HMCN2: variants seen among roughly 807,000 people sequenced by gnomAD.
HMCN2 encodes the protein hemicentin-2.
HMCN2 carries 325 observed loss-of-function variants against 377.5 expected under a neutral mutation model. The ratio of observed to expected loss-of-function variants is 0.86; its 90% CI spans 0.79 to 0.94. HMCN2 has a LOEUF of 0.94. Among genes scored for constraint, HMCN2 ranks in the 40% least tolerant of loss-of-function variants. The pLI is 0.00. For synonymous variants in HMCN2, 2,007 were observed against 2,046.8 expected, an observed-to-expected ratio of 0.98 and a Z score of 0.53; for missense variants, 4,543 against 4,725.3, an observed-to-expected ratio of 0.96 and a Z score of 1.13.
chr9:130,316,446 G>A (rs996081426), intron 15 of HMCN2, among the ~76,000 whole-genome samples: 55 of 152,034 alleles, frequency 3.6e-4, no homozygotes, highest in Non-Finnish European at 6.5e-4. Flanking sequence ...AAAAAAGGAC[G>A]GGGCACCCCT....
intron 95 of HMCN2, 118 bp downstream of exon 95, chr9:130,430,722 G>T (rs1456748127): frequency 6.2e-6 from 6 of 969,354 alleles, no homozygotes; most frequent in African/African-American, 4.9e-5. Context: ...AGGCAAGTGG[G>T]GTGAGTGGTG....
Position 130,392,776 on chromosome 9 carries a change from T to C in HMCN2, c.10137-436T>C, listed in dbSNP as rs568889283. On this transcript the variant is annotated intron_variant, in intron 66 of 97. Coordinates refer to ENST00000683500, the MANE Select transcript of HMCN2 (RefSeq NM_001291815.2). ...CTTTGGGAGGCCAAGGCGGGCAGAT[T>C]ACAAGGTCAGGAGATCAAGACCATC... 1.4e-3 allele frequency among the ~76,000 whole-genome samples: 217 copies of C among 151,902 alleles called. 1 individual carries two copies. Among genetic ancestry groups the C allele is most frequent in the Non-Finnish European group, 1.9e-3 (126 of 67,888 alleles).
At chr9:130,359,242 C>A in intron 36 of HMCN2, 77 bp from the exon 37 acceptor site, 1 of 726,736 alleles carries the variant, frequency 1.4e-6, no homozygotes, top group Non-Finnish European at 2.1e-6. Context: ...CAGGGAGCAG[C>A]ACTGCTGGGA....
chr9:130,355,146 G>A, intron 32 of HMCN2, 102 bp downstream of exon 32: 1 of 983,018 alleles, frequency 1.0e-6, no homozygotes, highest in Non-Finnish European at 1.3e-6. Context: ...GAGGGAGGGT[G>A]GGGAGAAGTA....
In HMCN2 at chr9:130,361,794, C is replaced by T. The variant is rs1840400450; in HGVS notation, c.5951-214C>T. Among the ~76,000 whole-genome samples, 1 of 152,196 alleles carries T rather than the reference C, an allele frequency of 6.6e-6. No individual in the cohort carries two copies. The highest frequency in any genetic ancestry group is 1.5e-5 in the Non-Finnish European group (1 of 68,034). ...GGCAGGTGACTTCCCCTCTGTCAGC[C>T]TCAGTTTCCCATCTATAGAAGCCTC... On this transcript the variant is annotated intron_variant, in intron 38 of 97. Transcript: ENST00000683500. This position sits in a 1 kb window ranked among gnomAD's most constrained non-coding sequence, Gnocchi z 4.8.
chr9:130,405,886 G>A lies in HMCN2; in HGVS notation c.12340-69G>A, dbSNP rs1232691919. ...CTGGATGCTCCATGAGAACCTTCAA[G>A]GGTCAGGGGCATCCTGACCTATGCC... is the stretch of plus-strand genomic sequence containing the variant. On this transcript the variant is annotated intron_variant, in intron 81 of 97. Transcript: ENST00000683500. 2.9e-5 allele frequency: 33 copies of A among 1,125,152 alleles called. 1 individual carries two copies. The highest frequency in any genetic ancestry group is 2.3e-6 in the Non-Finnish European group (2 of 861,540). The allele number at this position is 1,125,152 out of a possible 1,614,324, so 69.7% of individuals were successfully genotyped here.
chr9:130,324,037 A>G (rs1837991007), intron 19 of HMCN2, among the ~76,000 whole-genome samples: 1 of 152,248 alleles, frequency 6.6e-6, no homozygotes, highest in Non-Finnish European at 1.5e-5. Flanking sequence ...TACATAACAT[A>G]ACGTGTATCA....
At chr9:130,404,430 A>G (rs1842991268) in intron 80 of HMCN2, among the ~76,000 whole-genome samples, 1 of 152,146 alleles carries the variant, frequency 6.6e-6, no homozygotes, top group African/African-American at 2.4e-5. Flanking sequence ...GACCTGTAGC[A>G]TCGCTGGTCA....
At chr9:130,274,709 T>G (rs565587683) in intron 1 of HMCN2, among the ~76,000 whole-genome samples, 1 of 152,370 alleles carries the variant, frequency 6.6e-6, no homozygotes, top group South Asian at 2.1e-4. Context: ...TCACTCGTGT[T>G]AAACATACCT....
intron 53 of HMCN2, among the ~76,000 whole-genome samples, 167 bp downstream of exon 53, chr9:130,377,966 C>CT (rs1206342698): frequency 6.6e-6 from 1 of 152,222 alleles, no homozygotes; most frequent in Non-Finnish European, 1.5e-5. Flanking sequence ...CCCAACCCCT[C>CT]TGCCTTGAGG....
intron 1 of HMCN2, among the ~76,000 whole-genome samples, chr9:130,275,469 A>C (rs539111843): frequency 6.6e-6 from 1 of 152,190 alleles, no homozygotes; most frequent in African/African-American, 2.4e-5. Context: ...TTTATTTTTG[A>C]GATGGAGTCT....
Position 130,392,056 on chromosome 9 carries a change from G to A in HMCN2, c.10074G>A (p.Lys3358=), listed in dbSNP as rs1242896165. The A allele has an allele frequency of 2.0e-6, 2 of 988,552 alleles. No homozygotes were observed. Among genetic ancestry groups the A allele is most frequent in the Non-Finnish European group, 2.4e-6 (2 of 830,542 alleles). 61.2% of individuals were successfully genotyped at this position (988,552 alleles called of 1,614,324 possible). The part of the protein sequence containing the change: ...GSPPIHVSWL[K]DGLPLPLSQR... ...CGCCCATCCACGTGAGCTGGCTCAAGGACGGCCTGCCCCTCCCGCTCTCCC... is the reference window on the plus strand; with the variant it reads ...CGCCCATCCACGTGAGCTGGCTCAAAGACGGCCTGCCCCTCCCGCTCTCCC... Residue 3358 remains lysine (K), a synonymous_variant, in exon 66 of 98, where the codon AAG becomes AAA. Transcript: ENST00000683500.
rs1472536527 is a variant in HMCN2, at chr9:130,369,221, T to C, written c.6788-349T>C. Among the ~76,000 whole-genome samples the C allele has an allele frequency of 6.6e-6, 1 of 152,202 alleles. No homozygotes were observed. Among genetic ancestry groups the C allele is most frequent in the African/African-American group, 2.4e-5 (1 of 41,450 alleles). ...AAAATAAAACCAGGAACAGTGCTGT[T>C]CAACATCTTGAGGAGAAACCCACCC... On this transcript the variant is annotated intron_variant, in intron 44 of 97. Transcript: ENST00000683500. This position sits in a 1 kb window ranked among gnomAD's most constrained non-coding sequence, Gnocchi z 4.5.
intron 15 of HMCN2, among the ~76,000 whole-genome samples, chr9:130,315,332 T>C (rs1314810223): frequency 3.4e-4 from 1 of 2,968 alleles, no homozygotes; most frequent in Non-Finnish European, 6.4e-4. Flanking sequence ...CCCTCTGCCC[T>C]CCCCCTCCCT....
chr9:130,421,632 C>T (rs1020423463), intron 86 of HMCN2, among the ~76,000 whole-genome samples: 1 of 152,162 alleles, frequency 6.6e-6, no homozygotes, highest in South Asian at 2.1e-4. Context: ...TTCTTCACTC[C>T]CCTATTAAAA....
intron 13 of HMCN2, among the ~76,000 whole-genome samples, 153 bp from the exon 14 acceptor site, chr9:130,307,300 C>T (rs1033908022): frequency 4.6e-5 from 7 of 152,072 alleles, no homozygotes; most frequent in Non-Finnish European, 8.8e-5. Context: ...GTGGAGGGAC[C>T]GGGAGGGGGC....
intron 22 of HMCN2, among the ~76,000 whole-genome samples, chr9:130,329,974 C>A (rs1051410315): frequency 2.6e-5 from 4 of 151,370 alleles, no homozygotes; most frequent in Non-Finnish European, 2.9e-5. Context: ...TCCCCTCCCC[C>A]CCTTCCCTAC....
rs770928551 is a variant in HMCN2 at position 130,422,773 on chromosome 9, C to G, written c.13381+47C>G. On this transcript the variant is annotated intron_variant, in intron 87 of 97. Transcript: ENST00000683500. The surrounding 1 kb of genome is among the most constrained non-coding windows in gnomAD (Gnocchi z 4.2). ...ACCTGCCTCTGGGTTATTGTCACAG[C>G]CCAGCGAGCATCCTCCAGAACATGC... The G allele has an allele frequency of 6.6e-5, 83 of 1,248,454 alleles. No individual in the cohort carries two copies. In the African/African-American group the frequency reaches 1.2e-3, roughly 18 times the overall value. The allele number at this position is 1,248,454 out of a possible 1,614,324, so 77.3% of individuals were successfully genotyped here.
intron 54 of HMCN2, 79 bp from the exon 55 acceptor site, chr9:130,382,105 C>T (rs1342852579): frequency 5.6e-6 from 3 of 540,258 alleles, no homozygotes; most frequent in Non-Finnish European, 7.1e-6. Context: ...CAGGTCCACT[C>T]CAGAGGAGGG....
Sources: allele counts gnomAD v4.1 joint callset (sites outside exome capture counted in the v4.1 genomes callset), GRCh38; gene constraint gnomAD v4.1.1; non-coding constraint Gnocchi (gnomAD v3.1); transcripts MANE v1.5; gene names NCBI Gene and HGNC (gene_info 2026-07-23, HGNC 2026-07-21).